Variants in NLGN1 observed in about 807,000 individuals in gnomAD.
NLGN1 encodes neuroligin-1.
Under a neutral mutation model 65.5 loss-of-function variants are expected in NLGN1, and 12 were observed. The observed-to-expected ratio is 0.18, with a 90% CI of 0.12 to 0.30. The LOEUF is 0.30. NLGN1 is among the 10% of genes least tolerant of loss of function. The pLI is 1.00. For missense variants in NLGN1, 750 were observed against 1,007.1 expected, an observed-to-expected ratio of 0.74 and a Z score of 3.46; for synonymous variants, 350 against 359.5, an observed-to-expected ratio of 0.97 and a Z score of 0.30.
intron 2 of NLGN1, among the ~76,000 whole-genome samples, chr3:173,580,831 A>T (rs1351757907): frequency 4.6e-5 from 7 of 152,014 alleles, no homozygotes; most frequent in Admixed American, 2.6e-4. Flanking sequence ...ATATTAATTG[A>T]TAATAGTAAT....
intron 2 of NLGN1, among the ~76,000 whole-genome samples, chr3:173,491,328 C>A (rs1454095334): frequency 6.6e-6 from 1 of 151,764 alleles, no homozygotes; most frequent in Non-Finnish European, 1.5e-5. Context: ...TTGTCAAAGG[C>A]CTTTTCTGCA....
chr3:173,818,895 C>CTTT (rs200212547), intron 4 of NLGN1, among the ~76,000 whole-genome samples: 12,538 of 92,332 alleles, frequency 0.14, 1,527 homozygotes, highest in Middle Eastern at 0.19. Context: ...TTGAATAGTT[C>CTTT]TTTTTTTTTT....
intron 4 of NLGN1, among the ~76,000 whole-genome samples, chr3:174,101,534 C>CTAATTTTGTAAA (rs1324535817): frequency 2.6e-5 from 4 of 152,130 alleles, no homozygotes; most frequent in African/African-American, 4.8e-5. Context: ...GCCTAATGGC[C>CTAATTTTGTAAA]TCCCAATTAA....
intron 4 of NLGN1, among the ~76,000 whole-genome samples, chr3:174,268,749 A>T (rs149223200): frequency 3.3e-3 from 506 of 152,220 alleles, no homozygotes; most frequent in South Asian, 0.016. Context: ...ATCTATTTAC[A>T]GTCATCTTCT....
intron 4 of NLGN1, among the ~76,000 whole-genome samples, chr3:174,127,119 G>T (rs1323350908): frequency 3.3e-5 from 5 of 152,084 alleles, no homozygotes; most frequent in Non-Finnish European, 7.4e-5. Flanking sequence ...TGAAGCTGAG[G>T]CTTAATAAAT....
At chr3:174,241,545 A>G (rs1742814838) in intron 4 of NLGN1, among the ~76,000 whole-genome samples, 1 of 152,030 alleles carries the variant, frequency 6.6e-6, no homozygotes, top group Admixed American at 6.6e-5. Flanking sequence ...CTTCGTATAT[A>G]TAGAAGAACA....
chr3:174,088,646 G>T (rs1234256627), intron 4 of NLGN1, among the ~76,000 whole-genome samples: 2 of 151,512 alleles, frequency 1.3e-5, no homozygotes, highest in Admixed American at 6.6e-5. Flanking sequence ...CCAGCTACTC[G>T]GGAGGCTGAG....
At chr3:173,990,710 A>G (rs931102565) in intron 4 of NLGN1, among the ~76,000 whole-genome samples, 1 of 152,028 alleles carries the variant, frequency 6.6e-6, no homozygotes, top group Non-Finnish European at 1.5e-5. Flanking sequence ...TTAGTAAACA[A>G]CCCACAGCTG....
chr3:173,500,297 C>T (rs1436851046), intron 2 of NLGN1, among the ~76,000 whole-genome samples: 2 of 152,146 alleles, frequency 1.3e-5, no homozygotes, highest in African/African-American at 2.4e-5. Context: ...TTTTCTGCAT[C>T]TATTGAGGTA....
intron 1 of NLGN1, among the ~76,000 whole-genome samples, chr3:173,433,554 A>T (rs1717580690): frequency 6.6e-6 from 1 of 151,938 alleles, no homozygotes; most frequent in African/African-American, 2.4e-5. Context: ...AAACTTTATA[A>T]TTTCATTGTT....
chr3:174,107,526 A>C (rs548089751), intron 4 of NLGN1, among the ~76,000 whole-genome samples: 1 of 152,256 alleles, frequency 6.6e-6, no homozygotes, highest in South Asian at 2.1e-4. Flanking sequence ...AGTTTGTTTA[A>C]CCATTCACCC....
intron 3 of NLGN1, among the ~76,000 whole-genome samples, chr3:173,672,769 G>A (rs1173790173): frequency 6.6e-6 from 1 of 152,120 alleles, no homozygotes; most frequent in Non-Finnish European, 1.5e-5. Context: ...TTATTCTCAA[G>A]TTGAAGTACC....
intron 3 of NLGN1, among the ~76,000 whole-genome samples, chr3:173,708,906 C>T (rs1042449237): frequency 5.9e-5 from 9 of 152,052 alleles, no homozygotes; most frequent in African/African-American, 4.8e-5. Context: ...TAAACCAATG[C>T]GTTATTCGGT....
chr3:173,736,628 A>G (rs1466081395), intron 3 of NLGN1, among the ~76,000 whole-genome samples: 1 of 151,638 alleles, frequency 6.6e-6, no homozygotes, highest in East Asian at 1.9e-4. Flanking sequence ...AGAGGGTTGC[A>G]GTATGAGAAA....
chr3:173,414,782 A>G (rs1297267661), intron 1 of NLGN1, among the ~76,000 whole-genome samples: 1 of 152,170 alleles, frequency 6.6e-6, no homozygotes, highest in African/African-American at 2.4e-5. Flanking sequence ...GATTTGGAGG[A>G]GCAGGACCAC....
intron 2 of NLGN1, among the ~76,000 whole-genome samples, chr3:173,539,662 T>TATATGTACATATATAACACATATATGTAC (rs745397560): frequency 3.2e-4 from 37 of 116,130 alleles, no homozygotes; most frequent in Admixed American, 3.0e-3. Flanking sequence ...CATATGTGTA[T>TATATGTACATATATAACACATATATGTAC]ATATGCACAT....
intron 4 of NLGN1, among the ~76,000 whole-genome samples, chr3:174,015,679 T>A (rs1726415026): frequency 6.6e-6 from 1 of 152,066 alleles, no homozygotes; most frequent in Admixed American, 6.6e-5. Context: ...TTAGCCAAAT[T>A]CCCCCATTTT....
chr3:174,015,977 A>G (rs184542961), intron 4 of NLGN1, among the ~76,000 whole-genome samples: 2 of 152,248 alleles, frequency 1.3e-5, no homozygotes, highest in East Asian at 3.9e-4. Flanking sequence ...GAAGAGAATA[A>G]TATCTGGAAG....
At chr3:173,596,602 T>A (rs1749529018) in intron 2 of NLGN1, among the ~76,000 whole-genome samples, 1 of 151,874 alleles carries the variant, frequency 6.6e-6, no homozygotes, top group Non-Finnish European at 1.5e-5. Flanking sequence ...GCCCCAGTAC[T>A]TACTCATTTG....
Sources: allele counts gnomAD v4.1 joint callset (sites outside exome capture counted in the v4.1 genomes callset), GRCh38; gene constraint gnomAD v4.1.1; transcripts MANE v1.5; gene names NCBI Gene and HGNC (gene_info 2026-07-23, HGNC 2026-07-21).